Variants in KCNV2 observed in about 807,000 individuals in gnomAD.
The protein encoded by KCNV2 is potassium voltage-gated channel modifier subfamily V member 2.
Under a neutral mutation model 37.0 loss-of-function variants are expected in KCNV2, and 65 were observed. That is an observed-to-expected ratio of 1.76 (90% confidence interval 1.44 to 2.16). KCNV2 has a LOEUF of 2.16. KCNV2 is among the 30% of genes most tolerant of loss of function. KCNV2 has a pLI of 0.00. For synonymous variants in KCNV2, 518 were observed against 328.6 expected (o/e 1.58, Z -6.23); for missense variants, 1,232 against 766.7 (o/e 1.61, Z -7.17).
rs760904700 is a variant in KCNV2, at chr9:2,718,964, C to G, written c.1225C>G (p.Gln409Glu). 8.1e-6 allele frequency: 13 copies of G among 1,610,888 alleles called. No individual in the cohort carries two copies. The highest frequency in any genetic ancestry group is 1.1e-5 in the Non-Finnish European group (13 of 1,180,022). The change falls in exon 1 of 2, where the codon CAG becomes GAG. Residue 409 changes from glutamine (Q) to glutamate (E), a missense_variant. Coordinates refer to ENST00000382082, the MANE Select transcript of KCNV2 (RefSeq NM_133497.4). ...AFGFTLRQCY[Q>E]QVGCLLLFIA... is the part of the protein sequence containing the mutation. ...CGGCTTCACGCTGCGCCAGTGCTAC[C>G]AGCAGGTGGGCTGCCTGCTGCTCTT...
intron 1 of KCNV2, among the ~76,000 whole-genome samples, chr9:2,726,055 A>T (rs1320525089): frequency 6.6e-6 from 1 of 152,184 alleles, no homozygotes; most frequent in East Asian, 1.9e-4. Flanking sequence ...ATTAAGATGG[A>T]TTGCGGAAAT....
At chr9:2,728,207 A>G (rs1318688270) in intron 1 of KCNV2, among the ~76,000 whole-genome samples, 1 of 152,188 alleles carries the variant, frequency 6.6e-6, no homozygotes, top group Non-Finnish European at 1.5e-5. Flanking sequence ...TTACACTGCT[A>G]AGCTAACGGC....
At position 2,718,206 on chromosome 9, in the gene KCNV2, C is replaced by T. The variant is rs766337592; in HGVS notation, c.467C>T (p.Ala156Val). ...GAATACTTCTTCGACCGCGACCCGG[C>T]CGTCTTCCAGCTGGTCTACAATTTC... is the stretch of plus-strand genomic sequence containing the variant. ...TDEYFFDRDP[A>V]VFQLVYNFYL... Residue 156 changes from alanine (A) to valine (V), a missense_variant, in exon 1 of 2, where the codon GCC (alanine) becomes GTC (valine). Coordinates refer to ENST00000382082, the MANE Select transcript of KCNV2 (RefSeq NM_133497.4). The T allele has an allele frequency of 1.3e-5, 21 of 1,613,486 alleles. No individual in the cohort carries two copies. The highest frequency in any genetic ancestry group is 1.8e-5 in the Non-Finnish European group (21 of 1,179,926).
In KCNV2 at chr9:2,718,111, T is replaced by A. The variant is rs1301082403; in HGVS notation, c.372T>A (p.Gly124=). 1.2e-6 allele frequency: 2 copies of A among 1,600,276 alleles called. No homozygotes were observed. Among genetic ancestry groups the A allele is most frequent in the East Asian group, 4.5e-5 (2 of 44,326 alleles). ...ELAGFPKTRL[G]RLATSTSRSR... The stretch of plus-strand genomic sequence containing the variant: ...CCGGCTTCCCCAAGACGCGCCTAGG[T>A]CGCCTGGCCACCTCCACCAGCCGCA... Residue 124 remains glycine (G), a synonymous_variant, in exon 1 of 2, where the codon GGT becomes GGA. Coordinates refer to ENST00000382082, the MANE Select transcript of KCNV2 (RefSeq NM_133497.4).
chr9:2,718,556 T>A lies in KCNV2; in HGVS notation c.817T>A (p.Ser273Thr). 1 of 1,612,406 alleles carries A rather than the reference T, an allele frequency of 6.2e-7. No homozygotes were observed. Among genetic ancestry groups the A allele is most frequent in the Non-Finnish European group, 8.5e-7 (1 of 1,179,616 alleles). ...GGCCTCCAGCACCTTCGTGCTCGTC[T>A]CCGTGGTGGCGCTGGCGCTCAACAC... ...GVASSTFVLV[S>T]VVALALNTVE... The change falls in exon 1 of 2, where the codon TCC becomes ACC. Residue 273 changes from serine to threonine, a missense_variant. Ser to Thr is a moderately conservative substitution (Grantham distance 58, BLOSUM62 1). Coordinates refer to ENST00000382082, the MANE Select transcript of KCNV2 (RefSeq NM_133497.4).
rs773104305 is a variant in KCNV2 at position 2,719,091 on chromosome 9, C to T, written c.1352C>T (p.Ala451Val). Reference protein sequence around the residue: ...FTTIPHSWWWAAVSISTVGYG... With the variant: ...FTTIPHSWWWVAVSISTVGYG... ...ACCATCCCCCACTCCTGGTGGTGGGCCGCGGTGAGTACCTTTGCCCTGGGC... is the reference window on the plus strand; with the variant it reads ...ACCATCCCCCACTCCTGGTGGTGGGTCGCGGTGAGTACCTTTGCCCTGGGC... The change falls in exon 1 of 2, where the codon GCC (alanine) becomes GTC (valine). Residue 451 changes from alanine (A) to valine (V), a missense_variant. Coordinates refer to ENST00000382082, the MANE Select transcript of KCNV2 (RefSeq NM_133497.4). The T allele has an allele frequency of 3.1e-6, 5 of 1,609,154 alleles. No individual in the cohort carries two copies. The highest frequency in any genetic ancestry group is 4.2e-6 in the Non-Finnish European group (5 of 1,179,978).
chr9:2,729,508 T>G lies in KCNV2; in HGVS notation c.1419T>G (p.Phe473Leu). 1 of 1,614,168 alleles carries G rather than the reference T, an allele frequency of 6.2e-7. No individual in the cohort carries two copies. Among genetic ancestry groups the G allele is most frequent in the Non-Finnish European group, 8.5e-7 (1 of 1,180,018 alleles). ...CAGAGACCCACCTGGGCAGGTTTTT[T>G]GCCTTCCTCTGCATTGCTTTTGGGA... ...MYPETHLGRF[F>L]AFLCIAFGII... Residue 473 changes from phenylalanine to leucine, a missense_variant, in exon 2 of 2, where the codon TTT becomes TTG. Phe to Leu is a conservative substitution (Grantham distance 22). Transcript: ENST00000382082.
chr9:2,724,996 T>C (rs12351591), intron 1 of KCNV2, among the ~76,000 whole-genome samples: 25 of 152,198 alleles, frequency 1.6e-4, no homozygotes, highest in African/African-American at 6.0e-4. Flanking sequence ...TACTACTTTT[T>C]ATCTTATGGA....
chr9:2,722,276 TTTAC>T (rs1471623459), intron 1 of KCNV2, among the ~76,000 whole-genome samples: 49 of 137,456 alleles, frequency 3.6e-4, no homozygotes, highest in East Asian at 1.8e-3. Flanking sequence ...AAGTTATTTA[TTTAC>T]AAATTAGAAG....
At chr9:2,726,938 C>T (rs1819977392) in intron 1 of KCNV2, among the ~76,000 whole-genome samples, 1 of 152,134 alleles carries the variant, frequency 6.6e-6, no homozygotes, top group South Asian at 2.1e-4. Context: ...TGAGATGGAG[C>T]AGTTTCATCC....
intron 1 of KCNV2, among the ~76,000 whole-genome samples, chr9:2,727,612 G>C (rs987014138): frequency 1.3e-5 from 2 of 152,116 alleles, no homozygotes; most frequent in African/African-American, 2.4e-5. Context: ...TAAGCATAAC[G>C]TATATAGAGT....
At chr9:2,728,881 TAAAAA>T (rs60674628) in intron 1 of KCNV2, among the ~76,000 whole-genome samples, 1 of 98,392 alleles carries the variant, frequency 1.0e-5, no homozygotes, top group African/African-American at 3.2e-5. Flanking sequence ...CTGTTTTAAA[TAAAAA>T]AAAAAAAAAA....
intron 1 of KCNV2, among the ~76,000 whole-genome samples, chr9:2,724,787 A>G (rs1819943656): frequency 6.6e-6 from 1 of 152,250 alleles, no homozygotes; most frequent in Non-Finnish European, 1.5e-5. Context: ...GAACATAACT[A>G]GAAGACAGTG....
At chr9:2,728,183 C>G (rs994832312) in intron 1 of KCNV2, among the ~76,000 whole-genome samples, 2 of 152,140 alleles carry the variant, frequency 1.3e-5, no homozygotes, top group African/African-American at 4.8e-5. Flanking sequence ...CTTACATCAT[C>G]AAAACAAAAA....
rs7860945 is a variant in KCNV2 at position 2,718,717 on chromosome 9, C to T, written c.978C>T (p.Asp326=). 67,976 of 1,613,088 alleles carry T rather than the reference C, an allele frequency of 0.042. 1,599 individuals are homozygous for T. Among genetic ancestry groups the T allele is most frequent in the African/African-American group, 0.063 (4,724 of 75,056 alleles). The change falls in exon 1 of 2, where the codon GAC becomes GAT. Residue 326 remains aspartate, a synonymous_variant. Coordinates refer to ENST00000382082, the MANE Select transcript of KCNV2 (RefSeq NM_133497.4). Reference sequence around the variant, plus strand: ...TGCTGCGCCTAGCCTCCACGCCCGACCTGAGGCGCTTCGCGCGCAGCGCCC... The same window carrying T: ...TGCTGCGCCTAGCCTCCACGCCCGATCTGAGGCGCTTCGCGCGCAGCGCCC... ...EYLLRLASTP[D]LRRFARSALN...
chr9:2,717,984 C>A lies in KCNV2; in HGVS notation c.245C>A (p.Thr82Asn), dbSNP rs370044423. ...GAGGACCAGCAGGCAGGGGAGGTCA[C>A]CACCGCCAAGCCCGAGGGCCCCAGC... ...AEEDQQAGEV[T>N]TAKPEGPSDP... Residue 82 changes from threonine to asparagine, a missense_variant, in exon 1 of 2, where the codon ACC becomes AAC. Transcript: ENST00000382082. 1.9e-6 allele frequency: 3 copies of A among 1,614,144 alleles called. No homozygotes were observed. The South Asian group carries it at 3.3e-5, about 18-fold the overall frequency.
chr9:2,718,854 T>C lies in KCNV2; in HGVS notation c.1115T>C (p.Val372Ala). ...CAGACGGTGGGCAGCGTGGGTAAGG[T>C]GGGTCAGGTGTTGCGCGTCATGCGC... ...RGQTVGSVGK[V>A]GQVLRVMRLM... The change falls in exon 1 of 2, where the codon GTG becomes GCG. Residue 372 changes from valine to alanine, a missense_variant. Physicochemically the swap from Val to Ala is moderately conservative, Grantham distance 64 (BLOSUM62 0). Coordinates refer to ENST00000382082, the MANE Select transcript of KCNV2 (RefSeq NM_133497.4). 6 of 1,609,154 alleles carry C rather than the reference T, an allele frequency of 3.7e-6. No individual in the cohort carries two copies. Among genetic ancestry groups the C allele is most frequent in the Non-Finnish European group, 5.1e-6 (6 of 1,179,920 alleles).
rs148953795 is a variant in KCNV2, at chr9:2,717,749, C to T, written c.10C>T (p.Gln4Ter). The change falls in exon 1 of 2, where the codon CAG (glutamine) becomes TAG (stop). Residue 4 changes from glutamine to a stop codon, truncating the protein, a stop_gained. Transcript: ENST00000382082. LOFTEE classifies it high-confidence loss of function. ...TCCACTTTCCGCAGCCATGCTCAAA[C>T]AGAGTGAGAGGAGACGGTCCTGGAG... MLK[Q>*]SERRRSWSYR... The T allele has an allele frequency of 1.2e-6, 2 of 1,614,204 alleles. No homozygotes were observed. Among genetic ancestry groups the T allele is most frequent in the Non-Finnish European group, 1.7e-6 (2 of 1,180,030 alleles).
intron 1 of KCNV2, 117 bp downstream of exon 1, chr9:2,719,212 C>G (rs889720803): frequency 8.7e-7 from 1 of 1,143,070 alleles, no homozygotes; most frequent in East Asian, 2.6e-5. Flanking sequence ...TCCCCCCCAC[C>G]CCCAATCGCC....
Sources: gnomAD v4.1 joint callset for allele counts (sites outside exome capture counted in the v4.1 genomes callset) on GRCh38, gnomAD v4.1.1 for gene constraint, MANE v1.5 for transcripts, NCBI Gene and HGNC (gene_info 2026-07-23, HGNC 2026-07-21) for gene names.